FASTKD2: variants seen among roughly 807,000 people sequenced by gnomAD.
FASTKD2 encodes the protein FAST kinase domains 2, also known as FAST kinase domain-containing protein 2, mitochondrial.
In FASTKD2, 51 loss-of-function variants were observed where a neutral mutation model predicts 63.6. The ratio of observed to expected loss-of-function variants is 0.80; its 90% confidence interval spans 0.64 to 1.01. The LOEUF (loss-of-function observed/expected upper bound fraction) is 1.01, where lower values mean the gene tolerates loss of function less well. FASTKD2 is among the 50% of genes least tolerant of loss of function. FASTKD2 has a pLI of 0.00. For missense variants in FASTKD2, 786 were observed against 831.1 expected, an observed-to-expected ratio of 0.95 and a Z score of 0.67; for synonymous variants, 284 against 293.4, an observed-to-expected ratio of 0.97 and a Z score of 0.33.
At chr2:206,790,524 A>G in intron 10 of FASTKD2, 48 bp from the exon 11 acceptor site, 1 of 1,095,778 alleles carries the variant, frequency 9.1e-7, no homozygotes, top group African/African-American at 1.5e-5. Context: ...AGCAAGACTA[A>G]ATAGTAATAT....
chr2:206,778,623 A>G (rs538302771), intron 7 of FASTKD2, among the ~76,000 whole-genome samples: 13 of 152,042 alleles, frequency 8.6e-5, no homozygotes, highest in Non-Finnish European at 1.5e-4. Flanking sequence ...TTCTGGTGCT[A>G]TTGGCTGGAA....
intron 7 of FASTKD2, among the ~76,000 whole-genome samples, chr2:206,778,446 G>A (rs1265414857): frequency 1.3e-5 from 2 of 151,856 alleles, no homozygotes; most frequent in African/African-American, 4.8e-5. Context: ...CCACATATTT[G>A]TGAATTTTCT....
rs1016694444 is a variant in FASTKD2 at position 206,792,531 on chromosome 2, A to G, written c.*729A>G. On this transcript the variant is annotated 3_prime_UTR_variant, in exon 12 of 12. Transcript: ENST00000402774. ...ATCAGACCTGAGGACTATTTTTTCG[A>G]TTATGTGTGTTCATTCTTTGTTCAA... 1 of 151,692 alleles carries G rather than the reference A, an allele frequency of 6.6e-6. No individual in the cohort carries two copies. Among genetic ancestry groups the G allele is most frequent in the African/African-American group, 2.4e-5 (1 of 41,262 alleles). 9.4% of individuals were successfully genotyped at this position (151,692 alleles called of 1,614,324 possible). A position where few individuals can be genotyped will look rare whatever the true frequency, so the allele number is the denominator to read the frequency against.
At position 206,771,908 on chromosome 2, in the gene FASTKD2, G is replaced by A. The variant is rs1450132428; in HGVS notation, c.1005G>A (p.Arg335=). The A allele has an allele frequency of 1.2e-6, 2 of 1,604,268 alleles. No individual in the cohort carries two copies. Among genetic ancestry groups the A allele is most frequent in the South Asian group, 2.2e-5 (2 of 90,858 alleles). ...TTTTTCTTTAGATGAAAGCCTTGAG[G>A]GAATTAGACAGATTTTCTGTTTTGA... ...LKRKLEMKAL[R]ELDRFSVLNS... Residue 335 remains arginine, a synonymous_variant, in exon 5 of 12, where the codon AGG becomes AGA. Coordinates refer to ENST00000402774, the MANE Select transcript of FASTKD2 (RefSeq NM_001136193.2).
rs376370564 is a variant in FASTKD2, at chr2:206,774,365, T to C, written c.1395T>C (p.Ser465=). Residue 465 remains serine, a synonymous_variant, in exon 7 of 12, where the codon TCT becomes TCC. Transcript: ENST00000402774. The part of the protein sequence containing the change: ...NILSILHTYS[S]LNHVYKCQNK... ...TATCTATTCTTCATACTTACTCTTC[T>C]CTCAATCATGTCTACAAATGCCAGA... is the stretch of plus-strand genomic sequence containing the variant. 6 of 1,603,810 alleles carry C rather than the reference T, an allele frequency of 3.7e-6. No homozygotes were observed. The highest frequency in any genetic ancestry group is 5.1e-6 in the Non-Finnish European group (6 of 1,172,278).
chr2:206,767,593 T>C (rs1442407706), intron 2 of FASTKD2, 123 bp downstream of exon 2: 1 of 769,242 alleles, frequency 1.3e-6, no homozygotes, highest in East Asian at 2.7e-5. Flanking sequence ...GTTTCCTTTA[T>C]ATTTATTTCT....
intron 10 of FASTKD2, 123 bp downstream of exon 10, chr2:206,789,026 A>G (rs1690213101): frequency 1.4e-6 from 1 of 696,068 alleles, no homozygotes. Flanking sequence ...GCAGCACACC[A>G]AGAGACTTGT....
intron 7 of FASTKD2, among the ~76,000 whole-genome samples, chr2:206,782,353 G>A (rs1365789015): frequency 6.6e-6 from 1 of 152,130 alleles, no homozygotes; most frequent in Non-Finnish European, 1.5e-5. Flanking sequence ...TTGGTTTCTG[G>A]ACTTTTCATA....
chr2:206,768,885 ATTTG>A lies in FASTKD2; in HGVS notation c.778-1202_778-1199del, dbSNP rs551170395. ...ATTTTTATTTAGTGTATGTGTGTGT[ATTTG>A]TTTAAACCACAGAATATCCCTGTTT... On this transcript the variant is annotated intron_variant, in intron 2 of 11. Transcript: ENST00000402774. 2.4e-3 allele frequency among the ~76,000 whole-genome samples: 366 copies of A among 152,268 alleles called. 2 individuals are homozygous for A. The highest frequency in any genetic ancestry group is 8.3e-3 in the African/African-American group (346 of 41,536).
chr2:206,784,612 G>A (rs965669225), intron 7 of FASTKD2, among the ~76,000 whole-genome samples: 1 of 152,034 alleles, frequency 6.6e-6, no homozygotes. Flanking sequence ...TCCCACATTT[G>A]CATCTGTGGT....
Position 206,793,264 on chromosome 2 carries a change from A to G in FASTKD2, c.*1462A>G, listed in dbSNP as rs1379562197. ...AAAAAAAAAAAAATACAAAAACTAT[A>G]GCAATATGACAACAGCTGCCAGGTT... On this transcript the variant is annotated 3_prime_UTR_variant, in exon 12 of 12. Transcript: ENST00000402774. 6.8e-6 allele frequency among the ~76,000 whole-genome samples: 1 copy of G among 146,624 alleles called. No homozygotes were observed. The highest frequency in any genetic ancestry group is 1.5e-5 in the Non-Finnish European group (1 of 67,162).
At chr2:206,785,226 A>T (rs1690109592) in intron 7 of FASTKD2, among the ~76,000 whole-genome samples, 1 of 152,202 alleles carries the variant, frequency 6.6e-6, no homozygotes, top group Admixed American at 6.5e-5. Flanking sequence ...GTCCCTCACA[A>T]CACAAGGGAA....
rs3762567 is a variant in FASTKD2 at position 206,765,614 on chromosome 2, C to T, written c.-184C>T. ...AAGCGCAGCTTCTCGGGGAAGCTGT[C>T]ATGGCTGCTCCTGTACGTAGTCACG... is the stretch of plus-strand genomic sequence containing the variant. On this transcript the variant is annotated 5_prime_UTR_variant, in exon 1 of 12. Coordinates refer to ENST00000402774, the MANE Select transcript of FASTKD2 (RefSeq NM_001136193.2). The T allele has an allele frequency of 0.17, 150,100 of 891,742 alleles. 13,178 individuals are homozygous for T. Among genetic ancestry groups the T allele is most frequent in the Non-Finnish European group, 0.18 (131,036 of 722,984 alleles). The allele number at this position is 891,742 out of a possible 1,614,324, so 55.2% of individuals were successfully genotyped here.
At chr2:206,771,766 A>G (rs1574664312) in intron 4 of FASTKD2, 128 bp from the exon 5 acceptor site, 1 of 707,098 alleles carries the variant, frequency 1.4e-6, no homozygotes, top group Non-Finnish European at 2.4e-6. Context: ...AGGCAGGAGG[A>G]TCACTTGAGC....
intron 9 of FASTKD2, among the ~76,000 whole-genome samples, chr2:206,788,590 A>G (rs2105987555): frequency 6.6e-6 from 1 of 151,978 alleles, no homozygotes; most frequent in African/African-American, 2.4e-5. Context: ...CAAAACTTAG[A>G]TGGGCGTGAT....
rs138314234 is a variant in FASTKD2, at chr2:206,774,814, T to C, written c.1427+417T>C. Among the ~76,000 whole-genome samples, 349 of 152,214 alleles carry C rather than the reference T, an allele frequency of 2.3e-3. 2 individuals carry two copies. The highest frequency in any genetic ancestry group is 7.9e-3 in the African/African-American group (329 of 41,558). Reference sequence around the variant, plus strand: ...ACAATATTGCTGACTTTATTATTAATGATATAGTTAACAATATTGTACAGT... The same window carrying C: ...ACAATATTGCTGACTTTATTATTAACGATATAGTTAACAATATTGTACAGT... On this transcript the variant is annotated intron_variant, in intron 7 of 11. Coordinates refer to ENST00000402774, the MANE Select transcript of FASTKD2 (RefSeq NM_001136193.2).
chr2:206,794,034 A>C lies in FASTKD2; in HGVS notation c.*2232A>C, dbSNP rs1197341668. Among the ~76,000 whole-genome samples the C allele has an allele frequency of 6.6e-6, 1 of 152,202 alleles. No homozygotes were observed. The highest frequency in any genetic ancestry group is 2.1e-4 in the South Asian group (1 of 4,832). On this transcript the variant is annotated 3_prime_UTR_variant, in exon 12 of 12. Transcript: ENST00000402774. ...ACTTTGTGGGGTTTTCTTCTCCCAT[A>C]ATTTAAAAAATAGCTTTATTATAGT...
chr2:206,781,841 T>C (rs1364552358), intron 7 of FASTKD2, among the ~76,000 whole-genome samples: 1 of 151,922 alleles, frequency 6.6e-6, no homozygotes, highest in Non-Finnish European at 1.5e-5. Context: ...TTTTCCTACT[T>C]AACTGCTCCT....
rs745995042 is a variant in FASTKD2 at position 206,771,224 on chromosome 2, C to T, written c.924C>T (p.Phe308=). ...DQQVWKIEDV[F]TLQVVMKCIG... ...AAGTTTGGAAAATAGAAGATGTCTT[C>T]ACATTACAAGTTGTGATGAAGTGTA... is the stretch of plus-strand genomic sequence containing the variant. The change falls in exon 4 of 12, where the codon TTC becomes TTT. Residue 308 remains phenylalanine (F), a synonymous_variant. Transcript: ENST00000402774. The T allele has an allele frequency of 5.0e-6, 8 of 1,611,332 alleles. No individual in the cohort carries two copies. The South Asian group carries it at 7.7e-5, about 15-fold the overall frequency.
Sources: allele counts gnomAD v4.1 joint callset (sites outside exome capture counted in the v4.1 genomes callset), GRCh38; gene constraint gnomAD v4.1.1; transcripts MANE v1.5; gene names NCBI Gene and HGNC (gene_info 2026-07-23, HGNC 2026-07-21).